CDH13: variants seen among roughly 807,000 people sequenced by gnomAD.
CDH13 encodes the protein cadherin-13.
CDH13 carries 24 observed loss-of-function variants against 63.8 expected under a neutral mutation model. The ratio of observed to expected loss-of-function variants is 0.38; its 90% CI spans 0.27 to 0.53. The LOEUF is 0.53. Among genes scored for constraint, CDH13 ranks in the 20% least tolerant of loss-of-function variants. The probability of loss-of-function intolerance (pLI) is 0.85; values close to 1 mark genes in which losing one functional copy is unlikely to be tolerated. For synonymous variants in CDH13, 503 were observed against 355.3 expected (o/e 1.42, Z -4.67); for missense variants, 1,049 against 903.1 (o/e 1.16, Z -2.07).
chr16:82,882,699 A>G (rs1272789063), intron 2 of CDH13, among the ~76,000 whole-genome samples: 1 of 151,178 alleles, frequency 6.6e-6, no homozygotes, highest in Non-Finnish European at 1.5e-5. Flanking sequence ...CCTTCCTTTT[A>G]GAAAAAACAA....
At chr16:83,487,837 C>T (rs1598135932) in intron 7 of CDH13, among the ~76,000 whole-genome samples, 1 of 152,194 alleles carries the variant, frequency 6.6e-6, no homozygotes, top group East Asian at 1.9e-4. Context: ...GTTTCCTCTG[C>T]TTTCTCCTCT....
chr16:83,457,994 G>A (rs950852809), intron 6 of CDH13, among the ~76,000 whole-genome samples: 1 of 152,198 alleles, frequency 6.6e-6, no homozygotes, highest in Non-Finnish European at 1.5e-5. Flanking sequence ...GGGTCCCGGG[G>A]GCAGAATGGG....
At chr16:82,665,844 T>C (rs1274526670) in intron 1 of CDH13, among the ~76,000 whole-genome samples, 3 of 152,126 alleles carry the variant, frequency 2.0e-5, no homozygotes, top group Non-Finnish European at 4.4e-5. Context: ...GGCAAAATCA[T>C]TGAATACAAA....
chr16:83,116,469 C>T (rs945041644), intron 3 of CDH13, among the ~76,000 whole-genome samples: 3 of 152,216 alleles, frequency 2.0e-5, no homozygotes, highest in Non-Finnish European at 4.4e-5. Context: ...CACTCCTGAC[C>T]AGTCAGTGGA....
chr16:83,290,380 C>T (rs921512027), intron 5 of CDH13, among the ~76,000 whole-genome samples: 30 of 152,152 alleles, frequency 2.0e-4, no homozygotes, highest in African/African-American at 5.1e-4. Context: ...AATTGAATCA[C>T]GGGGGGCAGG....
At chr16:82,809,657 A>G (rs1469357411) in intron 1 of CDH13, among the ~76,000 whole-genome samples, 4 of 152,148 alleles carry the variant, frequency 2.6e-5, no homozygotes, top group African/African-American at 9.7e-5. Context: ...CTCAAGCAAC[A>G]TAAAGGTATT....
chr16:83,096,402 A>G (rs6565119), intron 3 of CDH13, among the ~76,000 whole-genome samples: 70,978 of 152,018 alleles, frequency 0.47, 16,827 homozygotes, highest in Middle Eastern at 0.61. Context: ...TGTTCCTGGG[A>G]AAGTTATCCA....
intron 12 of CDH13, 30 bp from the exon 13 acceptor site, chr16:83,783,224 C>G (rs771841859): frequency 4.6e-6 from 7 of 1,515,064 alleles, no homozygotes; most frequent in Non-Finnish European, 9.1e-7. Flanking sequence ...GTCTCATCCA[C>G]TCTCACCAGA....
At chr16:83,457,194 A>C (rs1282387460) in intron 6 of CDH13, among the ~76,000 whole-genome samples, 7 of 152,162 alleles carry the variant, frequency 4.6e-5, no homozygotes, top group Non-Finnish European at 2.9e-5. Context: ...ACTGGGGGTA[A>C]TAAGAGCACT....
At chr16:83,111,295 G>A (rs2035045717) in intron 3 of CDH13, among the ~76,000 whole-genome samples, 1 of 152,208 alleles carries the variant, frequency 6.6e-6, no homozygotes, top group Non-Finnish European at 1.5e-5. Context: ...ATTGGATAGT[G>A]CCATGATAGA....
At chr16:83,535,870 A>C (rs191744507) in intron 7 of CDH13, among the ~76,000 whole-genome samples, 3 of 151,342 alleles carry the variant, frequency 2.0e-5, no homozygotes, top group African/African-American at 7.3e-5. Flanking sequence ...GGAAGGAAGG[A>C]GAGAGGAAGA....
intron 1 of CDH13, among the ~76,000 whole-genome samples, chr16:82,738,242 C>A (rs56408967): frequency 6.6e-6 from 1 of 152,170 alleles, no homozygotes; most frequent in African/African-American, 2.4e-5. Flanking sequence ...TCAGTCACTT[C>A]CATTGTAAAA....
At chr16:82,659,130 G>C (rs1283832858) in intron 1 of CDH13, among the ~76,000 whole-genome samples, 1 of 152,176 alleles carries the variant, frequency 6.6e-6, no homozygotes, top group Non-Finnish European at 1.5e-5. Flanking sequence ...CACAGTTGCT[G>C]CTGGTTCCCA....
intron 7 of CDH13, among the ~76,000 whole-genome samples, chr16:83,597,031 TG>T (rs1310353625): frequency 6.6e-6 from 1 of 152,184 alleles, no homozygotes; most frequent in Admixed American, 6.5e-5. Context: ...AAGACCAGCC[TG>T]GGCAATACAG....
chr16:82,627,155 C>T lies in CDH13; in HGVS notation c.45+18C>T, dbSNP rs756628005. The T allele has an allele frequency of 3.8e-6, 6 of 1,598,580 alleles. No homozygotes were observed. The Admixed American group carries it at 8.5e-5, about 23-fold the overall frequency. On this transcript the variant is annotated intron_variant, in intron 1 of 13. Transcript: ENST00000567109. ...TGTCCCAGGTAGGGAAGAGGGGCTGCCGGGCGCGCTCTGCGCCCCGTTTCT... is the reference window on the plus strand; with the variant it reads ...TGTCCCAGGTAGGGAAGAGGGGCTGTCGGGCGCGCTCTGCGCCCCGTTTCT...
At chr16:83,629,017 T>C (rs543229866) in intron 8 of CDH13, among the ~76,000 whole-genome samples, 1 of 152,328 alleles carries the variant, frequency 6.6e-6, no homozygotes, top group East Asian at 1.9e-4. Context: ...TAAATTTTCA[T>C]GGTAACTGGT....
At chr16:82,722,203 G>A (rs1224881484) in intron 1 of CDH13, among the ~76,000 whole-genome samples, 1 of 152,138 alleles carries the variant, frequency 6.6e-6, no homozygotes, top group Non-Finnish European at 1.5e-5. Context: ...ACTCAAATGG[G>A]AAATGTATAG....
rs145298808 is a variant in CDH13 at position 83,112,715 on chromosome 16, C to T, written c.367-12670C>T. 4.0e-3 allele frequency among the ~76,000 whole-genome samples: 609 copies of T among 152,264 alleles called. 16 individuals are homozygous for T. Among genetic ancestry groups the T allele is most frequent in the Admixed American group, 0.027 (419 of 15,294 alleles). On this transcript the variant is annotated intron_variant, in intron 3 of 13. Transcript: ENST00000567109. ...ATTACTTAGTCAAAAAGCATGAACA[C>T]TTTAAAGGCTATCAAACATAGTTAC... is the stretch of plus-strand genomic sequence containing the variant.
At chr16:83,441,190 C>T (rs1030828724) in intron 6 of CDH13, among the ~76,000 whole-genome samples, 10 of 152,186 alleles carry the variant, frequency 6.6e-5, no homozygotes, top group African/African-American at 2.2e-4. Flanking sequence ...ATGGATCTTC[C>T]AGAGACTCCT....
Sources: allele counts gnomAD v4.1 joint callset (sites outside exome capture counted in the v4.1 genomes callset), GRCh38; gene constraint gnomAD v4.1.1; transcripts MANE v1.5; gene names NCBI Gene and HGNC (gene_info 2026-07-23, HGNC 2026-07-21).